The following TASOR2 variants were observed in gnomAD, a reference collection of about 807,000 sequenced individuals.
The protein encoded by TASOR2 is protein TASOR 2.
TASOR2 carries 84 observed loss-of-function variants against 199.5 expected under a neutral mutation model. The ratio of observed to expected loss-of-function variants is 0.42; its 90% CI spans 0.35 to 0.50. TASOR2 has a LOEUF of 0.50. TASOR2 is among the 20% of genes least tolerant of loss of function. The pLI, the probability that TASOR2 is intolerant of heterozygous loss-of-function variation, is 0.02. For missense variants in TASOR2, 2,796 were observed against 2,835.9 expected, an observed-to-expected ratio of 0.99 and a Z score of 0.32; for synonymous variants, 1,103 against 1,046.6, an observed-to-expected ratio of 1.05 and a Z score of -1.04.
intron 12 of TASOR2, 87 bp from the exon 14 acceptor site, chr10:5,739,529 CAT>C: frequency 7.9e-7 from 1 of 1,261,036 alleles, no homozygotes; most frequent in Non-Finnish European, 1.1e-6. Flanking sequence ...TTTTCTCAGA[CAT>C]GTTGAATTAA....
chr10:5,762,818 C>T, intron 20 of TASOR2, 172 bp downstream of exon 21: 1 of 630,526 alleles, frequency 1.6e-6, no homozygotes. Context: ...ATAGGAATTC[C>T]TAAATTATCA....
chr10:5,724,706 T>C (rs1833829843), intron 8 of TASOR2, among the ~76,000 whole-genome samples, 173 bp downstream of exon 9: 1 of 149,526 alleles, frequency 6.7e-6, no homozygotes, highest in East Asian at 1.9e-4. Flanking sequence ...TTAGTTGTGC[T>C]GAAAGGAGTT....
At chr10:5,705,316 A>C (rs1838441313) in intron 1 of TASOR2, among the ~76,000 whole-genome samples, 1 of 152,192 alleles carries the variant, frequency 6.6e-6, no homozygotes, top group Admixed American at 6.5e-5. Context: ...AGATGCATGC[A>C]TATATCAGTT....
At position 5,730,472 on chromosome 10, in the gene TASOR2, G is replaced by C. The variant is rs757378850; in HGVS notation, c.488-15G>C. ...AATAAACTTCAGATGTTTAATACGT[G>C]TGTATATATTCTAGGGGTGAAAGAT... On this transcript the variant is annotated splice_polypyrimidine_tract_variant and intron_variant, in intron 10 of 20. Coordinates refer to ENST00000328090, the Ensembl canonical transcript of TASOR2. This position sits in a 1 kb window ranked among gnomAD's most constrained non-coding sequence, Gnocchi z 4.1. The C allele has an allele frequency of 2.0e-6, 3 of 1,534,850 alleles. No homozygotes were observed. The highest frequency in any genetic ancestry group is 2.6e-6 in the Non-Finnish European group (3 of 1,138,186).
chr10:5,762,263 A>C (rs1649268926), intron 19 of TASOR2, among the ~76,000 whole-genome samples: 1 of 152,004 alleles, frequency 6.6e-6, no homozygotes, highest in Admixed American at 6.5e-5. Flanking sequence ...TAAAAAAAAA[A>C]AAAAAAAAGT....
chr10:5,760,299 ACAT>A (rs1839610886), intron 18 of TASOR2, among the ~76,000 whole-genome samples: 1 of 152,320 alleles, frequency 6.6e-6, no homozygotes, highest in African/African-American at 2.4e-5. Flanking sequence ...ATTGACTGAA[ACAT>A]CATTATGTGG....
chr10:5,763,402 C>A (rs1334265125), exon 21 of TASOR2: 3 of 146,818 alleles, frequency 2.0e-5, no homozygotes, highest in Non-Finnish European at 4.3e-5. Flanking sequence ...GCATACGATG[C>A]ACATTATGCT....
intron 8 of TASOR2, among the ~76,000 whole-genome samples, chr10:5,724,842 T>C (rs1833845911): frequency 6.6e-6 from 1 of 152,024 alleles, no homozygotes; most frequent in East Asian, 1.9e-4. Context: ...TGTGTTTTTT[T>C]CTATACATGC....
intron 16 of TASOR2, among the ~76,000 whole-genome samples, chr10:5,757,062 A>C (rs1231675268): frequency 6.6e-6 from 1 of 152,254 alleles, no homozygotes; most frequent in Non-Finnish European, 1.5e-5. Flanking sequence ...TTTCTGAACC[A>C]TTATATTTAC....
chr10:5,731,778 G>A (rs968915484), intron 11 of TASOR2, among the ~76,000 whole-genome samples: 7 of 152,176 alleles, frequency 4.6e-5, no homozygotes, highest in Non-Finnish European at 7.3e-5. Flanking sequence ...ACCCACACGT[G>A]TATGTTCCAT....
At chr10:5,713,206 G>A (rs1239396121) in intron 2 of TASOR2, among the ~76,000 whole-genome samples, 2 of 152,126 alleles carry the variant, frequency 1.3e-5, no homozygotes, top group Non-Finnish European at 2.9e-5. Context: ...CTTTACTAGA[G>A]TGAATGGATA....
chr10:5,693,227 C>T (rs1836693955), intron 1 of TASOR2, among the ~76,000 whole-genome samples: 1 of 152,122 alleles, frequency 6.6e-6, no homozygotes, highest in African/African-American at 2.4e-5. Context: ...AGTGGTGGAG[C>T]CCTTGCAGAA....
In TASOR2 at chr10:5,710,832, A is replaced by G. The variant is rs550268469; in HGVS notation, c.-287-1991A>G. 1.3e-5 allele frequency among the ~76,000 whole-genome samples: 2 copies of G among 152,238 alleles called. No homozygotes were observed. The highest frequency in any genetic ancestry group is 3.9e-4 in the East Asian group (2 of 5,190). On this transcript the variant is annotated intron_variant, in intron 1 of 20. Transcript: ENST00000328090. This position sits in a 1 kb window ranked among gnomAD's most constrained non-coding sequence, Gnocchi z 4.6. ...TCTTGCTTTTTTATAAATATCAAAT[A>G]TAAAGTTCCCAAAATTATTGTTTCT... is the stretch of plus-strand genomic sequence containing the variant.
At chr10:5,709,731 T>C (rs765954540) in intron 1 of TASOR2, 7 of 1,179,652 alleles carry the variant, frequency 5.9e-6, no homozygotes, top group Non-Finnish European at 6.4e-6. Flanking sequence ...AAAATGTTTT[T>C]AGTTTTAATT....
chr10:5,739,897 T>C lies in TASOR2; in HGVS notation c.1727T>C (p.Leu576Ser), dbSNP rs759795235. ...GTTTTGCTCTCTAAAGAAAATTCTT[T>C]GCGAGGTACATCTGACCATGAATAT... The change falls in exon 13 of 21, where the codon TTG (leucine) becomes TCG (serine). Residue 576 changes from leucine to serine, a missense_variant. Around this residue, in one of 3 missense-constraint regions of TASOR2, gnomAD observed 847 missense variants for 887.4 expected, o/e 0.95. Coordinates refer to ENST00000328090, the Ensembl canonical transcript of TASOR2. 26 of 1,614,092 alleles carry C rather than the reference T, an allele frequency of 1.6e-5. No homozygotes were observed. Among genetic ancestry groups the C allele is most frequent in the African/African-American group, 2.7e-5 (2 of 74,942 alleles).
exon 15 of TASOR2, chr10:5,749,426 C>T (rs1316400507): frequency 6.2e-7 from 1 of 1,614,204 alleles, no homozygotes; most frequent in Non-Finnish European, 8.5e-7. Flanking sequence ...GCCTCCTCTG[C>T]CAATGTCTTT....
intron 10 of TASOR2, among the ~76,000 whole-genome samples, chr10:5,728,618 TA>T (rs890855834): frequency 1.6e-4 from 23 of 144,868 alleles, no homozygotes; most frequent in African/African-American, 2.3e-4. Flanking sequence ...TCAAAAAAAT[TA>T]AAAAAAAAAA....
At position 5,722,972 on chromosome 10, in the gene TASOR2, C is replaced by A. The variant is rs945230884; in HGVS notation, c.147-705C>A. 1.3e-5 allele frequency among the ~76,000 whole-genome samples: 2 copies of A among 150,190 alleles called. No individual in the cohort carries two copies. Among genetic ancestry groups the A allele is most frequent in the African/African-American group, 4.9e-5 (2 of 40,768 alleles). ...GCAGTGAGCTGAGATCGCACCACTGCACTCCAGCCTGGGTGACAGAGCCAG... is the reference window on the plus strand; with the variant it reads ...GCAGTGAGCTGAGATCGCACCACTGAACTCCAGCCTGGGTGACAGAGCCAG... On this transcript the variant is annotated intron_variant, in intron 6 of 20. Coordinates refer to ENST00000328090, the Ensembl canonical transcript of TASOR2. The surrounding 1 kb of genome is among the most constrained non-coding windows in gnomAD (Gnocchi z 4.0).
At position 5,751,876 on chromosome 10, in the gene TASOR2, A is replaced by G. The variant is rs1056167815; in HGVS notation, c.6606+1849A>G. ...ACAGAGGAGTTCACACTCATCCCCA[A>G]TTCTAGTCCAGTACTGCCAGGTTTG... On this transcript the variant is annotated intron_variant, in intron 15 of 20. Coordinates refer to ENST00000328090, the Ensembl canonical transcript of TASOR2. This position sits in a 1 kb window ranked among gnomAD's most constrained non-coding sequence, Gnocchi z 5.3. Among the ~76,000 whole-genome samples the G allele has an allele frequency of 5.3e-5, 8 of 152,170 alleles. No individual in the cohort carries two copies. Among genetic ancestry groups the G allele is most frequent in the Admixed American group, 2.6e-4 (4 of 15,270 alleles).
Sources: gnomAD v4.1 joint callset for allele counts (sites outside exome capture counted in the v4.1 genomes callset) on GRCh38, gnomAD v4.1.1 for gene constraint, gnomAD v4.1.1 regional missense constraint, Gnocchi (gnomAD v3.1) non-coding constraint, MANE v1.5 for transcripts, NCBI Gene and HGNC (gene_info 2026-07-23, HGNC 2026-07-21) for gene names.